SHANK2: variants seen among roughly 807,000 people sequenced by gnomAD.
SHANK2 encodes the protein SH3 and multiple ankyrin repeat domains 2, also known as SH3 and multiple ankyrin repeat domains protein 2.
A neutral mutation model predicts 133.7 loss-of-function variants in SHANK2; 43 were observed. That is an observed-to-expected ratio of 0.32 (90% confidence interval 0.25 to 0.41). SHANK2 has a LOEUF of 0.41. SHANK2 is among the 10% of genes least tolerant of loss of function. The pLI is 1.00. For synonymous variants in SHANK2, 1,017 were observed against 952.8 expected (o/e 1.07, Z -1.24); for missense variants, 1,994 against 2,235.8 (o/e 0.89, Z 2.18).
At chr11:70,752,598 C>T (rs893447466) in intron 14 of SHANK2, among the ~76,000 whole-genome samples, 4 of 150,572 alleles carry the variant, frequency 2.7e-5, no homozygotes, top group East Asian at 3.9e-4. Context: ...CCCAGCTACT[C>T]GGGAGGCTGA....
intron 10 of SHANK2, among the ~76,000 whole-genome samples, chr11:70,951,836 C>T (rs1246257822): frequency 1.3e-5 from 2 of 152,168 alleles, no homozygotes; most frequent in South Asian, 2.1e-4. Flanking sequence ...CCTTGGCTTG[C>T]GGCCACATCA....
intron 14 of SHANK2, among the ~76,000 whole-genome samples, chr11:70,795,413 T>C (rs576355941): frequency 8.8e-5 from 13 of 147,936 alleles, no homozygotes; most frequent in African/African-American, 3.2e-4. Flanking sequence ...TTTTCTTTTT[T>C]TTTTTTTTTT....
At chr11:70,567,171 G>C (rs1248334039) in intron 17 of SHANK2, among the ~76,000 whole-genome samples, 1 of 152,222 alleles carries the variant, frequency 6.6e-6, no homozygotes, top group Non-Finnish European at 1.5e-5. Flanking sequence ...TTATGAAGCT[G>C]TGATTGGCTA....
At chr11:70,732,745 C>G (rs576479253) in intron 14 of SHANK2, among the ~76,000 whole-genome samples, 2 of 152,346 alleles carry the variant, frequency 1.3e-5, no homozygotes, top group Admixed American at 1.3e-4. Flanking sequence ...CATCCCACCT[C>G]TAGGTGGCCA....
chr11:70,938,856 T>C (rs1950606067), intron 10 of SHANK2, among the ~76,000 whole-genome samples: 2 of 152,052 alleles, frequency 1.3e-5, no homozygotes, highest in Admixed American at 6.5e-5. Flanking sequence ...GGTGACGTGA[T>C]AACCGCCACA....
intron 25 of SHANK2, among the ~76,000 whole-genome samples, chr11:70,481,473 AG>A (rs1555151578): frequency 2.0e-5 from 3 of 152,230 alleles, no homozygotes; most frequent in Non-Finnish European, 4.4e-5. Context: ...CAAGGATGAG[AG>A]GAACTTTAAA....
Position 70,882,016 on chromosome 11 carries a change from T to G in SHANK2, c.1174+14485A>C, listed in dbSNP as rs1949667623. Among the ~76,000 whole-genome samples, 1 of 152,104 alleles carries G rather than the reference T, an allele frequency of 6.6e-6. No homozygotes were observed. Among genetic ancestry groups the G allele is most frequent in the Admixed American group, 6.5e-5 (1 of 15,268 alleles). ...TGTGAGCCACCACACCCAGCCTGGA[T>G]CCTTAAATTCACTTGCAGGAAGGGA... is the stretch of plus-strand genomic sequence containing the variant. On this transcript the variant is annotated intron_variant, in intron 11 of 25. Coordinates refer to ENST00000601538, the MANE Select transcript of SHANK2 (RefSeq NM_012309.5). The surrounding 1 kb of genome is among the most constrained non-coding windows in gnomAD (Gnocchi z 4.2).
intron 1 of SHANK2, among the ~76,000 whole-genome samples, chr11:71,240,413 A>G (rs1429970970): frequency 6.6e-6 from 1 of 152,152 alleles, no homozygotes; most frequent in Non-Finnish European, 1.5e-5. Flanking sequence ...TCCTCCAAAC[A>G]GAGTCTTTGC....
intron 17 of SHANK2, among the ~76,000 whole-genome samples, chr11:70,521,064 T>C (rs2059324474): frequency 1.3e-5 from 2 of 152,242 alleles, no homozygotes; most frequent in African/African-American, 4.8e-5. Flanking sequence ...AATACCTTCC[T>C]TGCTTTTGGA....
chr11:71,071,570 A>G (rs1951142030), intron 9 of SHANK2, among the ~76,000 whole-genome samples: 1 of 152,260 alleles, frequency 6.6e-6, no homozygotes, highest in South Asian at 2.1e-4. Context: ...AGGGCTGCAG[A>G]GAAAAATGTA....
intron 2 of SHANK2, among the ~76,000 whole-genome samples, chr11:71,187,646 A>T (rs1555114687): frequency 2.0e-5 from 3 of 152,136 alleles, no homozygotes. Context: ...TTTTCATGTC[A>T]GGAATGTACA....
intron 1 of SHANK2, among the ~76,000 whole-genome samples, chr11:71,250,127 T>TGG (rs78908394): frequency 0.014 from 2,086 of 151,410 alleles, 42 homozygotes; most frequent in African/African-American, 0.047. Context: ...TCCCCGGGGG[T>TGG]GGGGGGGAAT....
At position 70,854,719 on chromosome 11, in the gene SHANK2, C is replaced by T. The variant is rs140066593; in HGVS notation, c.1175-34037G>A. Among the ~76,000 whole-genome samples, 47 of 152,320 alleles carry T rather than the reference C, an allele frequency of 3.1e-4. No homozygotes were observed. In the East Asian group the frequency reaches 6.0e-3, roughly 19 times the overall value. ...ACATGAAGGCCAGTGAAATGTCCCT[C>T]TCTGTTCTCAATGGGGAGCCCAGGG... On this transcript the variant is annotated intron_variant, in intron 11 of 25. Transcript: ENST00000601538.
chr11:71,069,990 G>A (rs899980724), intron 9 of SHANK2, among the ~76,000 whole-genome samples: 71 of 152,310 alleles, frequency 4.7e-4, no homozygotes, highest in Non-Finnish European at 8.7e-4. Context: ...TCATACATGT[G>A]TAGACAAGGG....
At chr11:70,519,109 CTGT>C (rs2059299631) in intron 17 of SHANK2, among the ~76,000 whole-genome samples, 1 of 152,016 alleles carries the variant, frequency 6.6e-6, no homozygotes, top group Non-Finnish European at 1.5e-5. Flanking sequence ...TGGGGTCTTC[CTGT>C]GTTGGCCAGG....
intron 17 of SHANK2, among the ~76,000 whole-genome samples, chr11:70,635,756 T>TAA (rs1377502907): frequency 3.6e-5 from 5 of 138,876 alleles, no homozygotes; most frequent in South Asian, 2.5e-4. Context: ...AGTATAACTG[T>TAA]AAAAAAAAAA....
At chr11:70,619,869 C>G (rs1404396691) in intron 17 of SHANK2, among the ~76,000 whole-genome samples, 4 of 152,212 alleles carry the variant, frequency 2.6e-5, no homozygotes, top group Admixed American at 2.6e-4. Flanking sequence ...GTGAAATCTA[C>G]CTCTGTTACC....
chr11:70,680,480 C>T (rs1452397684), intron 15 of SHANK2, among the ~76,000 whole-genome samples: 22 of 152,244 alleles, frequency 1.4e-4, no homozygotes, highest in African/African-American at 4.3e-4. Context: ...CTCCAGCCTC[C>T]GCTCCCATCG....
At chr11:70,826,378 G>C (rs565668854) in intron 11 of SHANK2, 54 of 460,274 alleles carry the variant, frequency 1.2e-4, no homozygotes, top group Non-Finnish European at 2.4e-4. Flanking sequence ...ATTTTAGGAG[G>C]AACTGGAGTC....
Sources: gnomAD v4.1 joint callset for allele counts (sites outside exome capture counted in the v4.1 genomes callset) on GRCh38, gnomAD v4.1.1 for gene constraint, Gnocchi (gnomAD v3.1) non-coding constraint, MANE v1.5 for transcripts, NCBI Gene and HGNC (gene_info 2026-07-23, HGNC 2026-07-21) for gene names.